Variants in ITIH6 observed in about 807,000 individuals in gnomAD.
The protein encoded by ITIH6 is inter-alpha-trypsin inhibitor heavy chain family member 6.
ITIH6 carries 60 observed loss-of-function variants against 58.2 expected under a neutral mutation model. The ratio of observed to expected loss-of-function variants is 1.03; its 90% CI spans 0.84 to 1.28. ITIH6 has a LOEUF of 1.28. Ranked by LOEUF, ITIH6 falls within the 50% of genes most tolerant of loss-of-function variation. The pLI, the probability that ITIH6 is intolerant of heterozygous loss-of-function variation, is 0.00. For synonymous variants in ITIH6, 493 were observed against 417.4 expected, an observed-to-expected ratio of 1.18 and a Z score of -2.21; for missense variants, 1,290 against 1,021.1, an observed-to-expected ratio of 1.26 and a Z score of -3.59.
At chrX:54,754,540 G>A (rs894269201) in intron 9 of ITIH6, among the ~76,000 whole-genome samples, 4 of 111,836 alleles carry the variant, frequency 3.6e-5, no homozygotes, top group African/African-American at 1.3e-4. Context: ...TTTGGCATTA[G>A]GGGAATGCTC....
chrX:54,759,793 A>G lies in ITIH6; in HGVS notation c.1038T>C (p.Ser346=). ...SIQATIQNVH[S]AKDYLHCMEA... is the part of the protein sequence containing the mutation. ...CCATGCAATGCAGGTAGTCCTTGGC[A>G]CTGTGGACATTCTGGATGGTGGCCT... is the stretch of plus-strand genomic sequence containing the variant. Residue 346 remains serine (S), a synonymous_variant, in exon 7 of 13, where the codon AGT becomes AGC. Transcript: ENST00000218436. 8.3e-7 allele frequency: 1 copy of G among 1,211,358 alleles called. No individual in the cohort carries two copies. The highest frequency in any genetic ancestry group is 1.8e-5 in the South Asian group (1 of 56,842).
chrX:54,796,998 A>G lies in ITIH6; in HGVS notation c.201T>C (p.His67=). ...SVLFNPHAEA[H]EAIFDLDLPH... ...GCAGATCCAGGTCAAAGATGGCTTC[A>G]TGGGCTTCAGCATGTGGATTAAACA... is the stretch of plus-strand genomic sequence containing the variant. Residue 67 remains histidine, a synonymous_variant, in exon 2 of 13, where the codon CAT becomes CAC. Transcript: ENST00000218436. 8.3e-7 allele frequency: 1 copy of G among 1,211,549 alleles called. No individual in the cohort carries two copies.
At chrX:54,769,691 G>A (rs1193820756) in intron 6 of ITIH6, among the ~76,000 whole-genome samples, 1,549 of 94,875 alleles carry the variant, frequency 0.016, 43 homozygotes, top group African/African-American at 0.059. Flanking sequence ...TAGGCTGCTC[G>A]GGGGTCAGGG....
intron 1 of ITIH6, 33 bp from the exon 2 acceptor site, chrX:54,797,129 T>C: frequency 8.5e-7 from 1 of 1,172,309 alleles, no homozygotes. Context: ...GTGTTTTAGG[T>C]AGACTATGTC....
At chrX:54,765,763 G>A (rs764650977) in intron 6 of ITIH6, among the ~76,000 whole-genome samples, 10 of 109,881 alleles carry the variant, frequency 9.1e-5, no homozygotes, top group African/African-American at 3.3e-4. Context: ...CTCTGTTTTG[G>A]TAACAGTACC....
chrX:54,767,977 T>C (rs1928837760), intron 6 of ITIH6, among the ~76,000 whole-genome samples: 1 of 99,610 alleles, frequency 1.0e-5, no homozygotes, highest in African/African-American at 4.4e-5. Context: ...ATCTGTCTAA[T>C]GTTGACAGTG....
At chrX:54,777,721 G>A (rs1929077938) in intron 5 of ITIH6, among the ~76,000 whole-genome samples, 1 of 112,681 alleles carries the variant, frequency 8.9e-6, no homozygotes, top group Non-Finnish European at 1.9e-5. Context: ...ATACTTCTAT[G>A]AGTCTGCAAG....
intron 5 of ITIH6, among the ~76,000 whole-genome samples, chrX:54,777,309 T>A (rs1490574412): frequency 8.9e-6 from 1 of 112,443 alleles, no homozygotes; most frequent in Non-Finnish European, 1.9e-5. Flanking sequence ...CAGGTAGAAT[T>A]CTAAGGAGTT....
intron 2 of ITIH6, among the ~76,000 whole-genome samples, chrX:54,795,457 G>C (rs1003912672): frequency 9.0e-6 from 1 of 111,433 alleles, no homozygotes; most frequent in Non-Finnish European, 1.9e-5. Flanking sequence ...CACATAAGAT[G>C]GTTTGGAGAC....
intron 5 of ITIH6, among the ~76,000 whole-genome samples, chrX:54,784,377 G>A (rs1286970622): frequency 1.8e-5 from 2 of 111,036 alleles, no homozygotes; most frequent in Non-Finnish European, 3.8e-5. Flanking sequence ...ACACTGCAAG[G>A]GAAATGATAA....
chrX:54,766,197 G>A (rs1301826727), intron 6 of ITIH6, among the ~76,000 whole-genome samples: 5 of 109,618 alleles, frequency 4.6e-5, no homozygotes, highest in African/African-American at 1.7e-4. Context: ...TCTGTCTGTT[G>A]TTGGTGTATA....
chrX:54,761,876 C>T (rs1299562209), intron 6 of ITIH6, among the ~76,000 whole-genome samples: 20 of 111,721 alleles, frequency 1.8e-4, no homozygotes, highest in Non-Finnish European at 3.0e-4. Context: ...TAGTGTGATG[C>T]CTTCAGCTTT....
At position 54,758,150 on chromosome X, in the gene ITIH6, C is replaced by T. The variant is rs1928546322; in HGVS notation, c.1924G>A (p.Gly642Ser). The change falls in exon 8 of 13, where the codon GGC (glycine) becomes AGC (serine). Residue 642 changes from glycine (G) to serine (S), a missense_variant. Gly to Ser is a moderately conservative substitution (Grantham distance 56). Coordinates refer to ENST00000218436, the MANE Select transcript of ITIH6 (RefSeq NM_198510.3). ...TIMPSSSSRH[G>S]LGVSTAQPAL... ...GGCTGAGCTGTGCTTACCCCTAGGC[C>T]ATGCCTGCTGCTGGATGAGGGCATG... 1 of 1,211,687 alleles carries T rather than the reference C, an allele frequency of 8.3e-7. No individual in the cohort carries two copies. Among genetic ancestry groups the T allele is most frequent in the African/African-American group, 1.7e-5 (1 of 57,829 alleles).
At chrX:54,759,129 T>G (rs907703525) in intron 7 of ITIH6, 131 bp from the exon 8 acceptor site, 14 of 486,657 alleles carry the variant, frequency 2.9e-5, no homozygotes, top group Non-Finnish European at 4.7e-5. Flanking sequence ...CCACTGTTTC[T>G]CCTTCCCAAC....
intron 6 of ITIH6, among the ~76,000 whole-genome samples, chrX:54,765,689 C>T (rs1333599237): frequency 2.8e-5 from 3 of 108,253 alleles, no homozygotes; most frequent in Non-Finnish European, 3.8e-5. Flanking sequence ...CTGCAAGCTC[C>T]GCTTCCTGGG....
chrX:54,776,810 T>C (rs975024410), intron 5 of ITIH6, among the ~76,000 whole-genome samples: 15 of 111,666 alleles, frequency 1.3e-4, no homozygotes, highest in African/African-American at 4.6e-4. Context: ...AGGTACTACA[T>C]TGAGGGCCTT....
chrX:54,755,079 TC>T lies in ITIH6; in HGVS notation c.3139del (p.Glu1047ArgfsTer19). 8.3e-7 allele frequency: 1 copy of T among 1,210,197 alleles called. No homozygotes were observed. Among genetic ancestry groups the T allele is most frequent in the Non-Finnish European group, 1.1e-6 (1 of 894,358 alleles). The stretch of plus-strand genomic sequence containing the variant: ...GCTGCCTCCAGCTCCTCCCAGGATC[TC>T]CTCAGAATTGCCATCCCAGTTTGGA... The part of the protein sequence containing the change: ...GSPNWDGNSE[E>X]ILGGAGGSME... On this transcript the variant is annotated frameshift_variant, in exon 9 of 13. Transcript: ENST00000218436. LOFTEE classifies it high-confidence loss of function.
intron 6 of ITIH6, among the ~76,000 whole-genome samples, chrX:54,772,917 C>T (rs1337084122): frequency 1.8e-5 from 2 of 111,196 alleles, no homozygotes; most frequent in African/African-American, 3.3e-5. Flanking sequence ...ACTACAGGTG[C>T]GCACCACCAC....
intron 6 of ITIH6, among the ~76,000 whole-genome samples, chrX:54,769,668 G>T (rs1232284977): frequency 4.0e-5 from 4 of 98,966 alleles, no homozygotes; most frequent in African/African-American, 1.5e-4. Flanking sequence ...CCTGCTGGGG[G>T]GTGCCTCCCA....
Sources: gnomAD v4.1 joint callset for allele counts (sites outside exome capture counted in the v4.1 genomes callset) on GRCh38, gnomAD v4.1.1 for gene constraint, MANE v1.5 for transcripts, NCBI Gene and HGNC (gene_info 2026-07-23, HGNC 2026-07-21) for gene names.